Variants in C13orf46 observed in about 807,000 individuals in gnomAD.
The protein encoded by C13orf46 is uncharacterized protein C13orf46.
chr13:113,960,682 A>G (rs1033903764), intron 6 of C13orf46, among the ~76,000 whole-genome samples: 1 of 152,208 alleles, frequency 6.6e-6, no homozygotes, highest in African/African-American at 2.4e-5. Context: ...GCAACTTCTC[A>G]TGCTGTTACC....
chr13:113,970,642 C>A (rs947055093), intron 1 of C13orf46, among the ~76,000 whole-genome samples: 2 of 152,236 alleles, frequency 1.3e-5, no homozygotes, highest in Admixed American at 1.3e-4. Flanking sequence ...CTACTACCCC[C>A]AACCCAGGCT....
the C13orf46 span, among the ~76,000 whole-genome samples, chr13:113,945,619 A>AG: frequency 8.2e-5 from 10 of 121,898 alleles, no homozygotes; most frequent in African/African-American, 3.1e-4. Context: ...AAAGAAAGAA[A>AG]GAAAGAAAGA....
chr13:113,973,074 A>T (rs560035135), intron 1 of C13orf46, among the ~76,000 whole-genome samples: 2 of 152,188 alleles, frequency 1.3e-5, no homozygotes, highest in African/African-American at 4.8e-5. Context: ...AAGGAAAATG[A>T]ATCTTGGGCC....
chr13:113,945,580 AGAG>A, the C13orf46 span, among the ~76,000 whole-genome samples: 1 of 141,512 alleles, frequency 7.1e-6, no homozygotes, highest in African/African-American at 2.7e-5. Flanking sequence ...AAAGAAAGAG[AGAG>A]AGAGAGAGAG....
At chr13:113,931,251 C>A in the C13orf46 span, among the ~76,000 whole-genome samples, 1 of 152,206 alleles carries the variant, frequency 6.6e-6, no homozygotes, top group African/African-American at 2.4e-5. Context: ...GTAAATGAAA[C>A]CCAACAGCGT....
At chr13:113,937,394 A>G in the C13orf46 span, among the ~76,000 whole-genome samples, 1 of 152,226 alleles carries the variant, frequency 6.6e-6, no homozygotes, top group African/African-American at 2.4e-5. Context: ...CGCACAGGTT[A>G]GAGTCCTTTC....
At chr13:113,965,542 A>G (rs2052626704) in intron 5 of C13orf46, among the ~76,000 whole-genome samples, 1 of 152,318 alleles carries the variant, frequency 6.6e-6, no homozygotes, top group East Asian at 1.9e-4. Context: ...TATGGTGGTG[A>G]TAATGTTGAT....
At chr13:113,969,246 A>C (rs1048438461) in intron 2 of C13orf46, among the ~76,000 whole-genome samples, 2 of 152,374 alleles carry the variant, frequency 1.3e-5, no homozygotes, top group East Asian at 3.9e-4. Context: ...GAGGAATGCA[A>C]CAGGCAGTGA....
At chr13:113,941,943 T>A in the C13orf46 span, among the ~76,000 whole-genome samples, 2 of 152,224 alleles carry the variant, frequency 1.3e-5, no homozygotes, top group African/African-American at 4.8e-5. Flanking sequence ...GGCGGCTGAC[T>A]CATTGCTCCT....
At chr13:113,948,477 G>A in the C13orf46 span, among the ~76,000 whole-genome samples, 1 of 152,238 alleles carries the variant, frequency 6.6e-6, no homozygotes, top group South Asian at 2.1e-4. Flanking sequence ...CCCTGTGTGA[G>A]CACACCGAAG....
the C13orf46 span, among the ~76,000 whole-genome samples, chr13:113,935,221 C>T: frequency 2.0e-5 from 3 of 152,202 alleles, no homozygotes; most frequent in East Asian, 1.9e-4. Flanking sequence ...TTGGTCCCTG[C>T]GGCTGTGGCA....
rs949702631 is a variant in C13orf46 at position 113,954,921 on chromosome 13, C to G, written c.*1852G>C. ...AGCATCTGGCGGAGACGAGGAGGAG[C>G]ATCTGGCGGAGACGAGGAGGAGGAT... On this transcript the variant is annotated 3_prime_UTR_variant, in exon 7 of 7. Transcript: ENST00000636427. 2.1e-4 allele frequency: 33 copies of G among 158,222 alleles called. No individual in the cohort carries two copies. The highest frequency in any genetic ancestry group is 4.7e-4 in the African/African-American group (16 of 33,816). 9.8% of individuals were successfully genotyped at this position (158,222 alleles called of 1,614,324 possible).
chr13:113,965,324 G>A (rs2052625066), intron 5 of C13orf46, among the ~76,000 whole-genome samples: 1 of 152,178 alleles, frequency 6.6e-6, no homozygotes, highest in South Asian at 2.1e-4. Context: ...TGGCTCTGAG[G>A]GCAAAAGGGA....
the C13orf46 span, among the ~76,000 whole-genome samples, chr13:113,936,689 G>A: frequency 6.6e-6 from 1 of 151,622 alleles, no homozygotes; most frequent in Non-Finnish European, 1.5e-5. Context: ...AAGAGAGTCG[G>A]GTGGGTAGGC....
the C13orf46 span, among the ~76,000 whole-genome samples, chr13:113,937,045 G>C: frequency 6.6e-6 from 1 of 152,114 alleles, no homozygotes; most frequent in Admixed American, 6.5e-5. Context: ...TTTTGCGGAA[G>C]GGTTATTATC....
the C13orf46 span, among the ~76,000 whole-genome samples, chr13:113,941,708 C>T: frequency 6.6e-6 from 1 of 152,234 alleles, no homozygotes; most frequent in Non-Finnish European, 1.5e-5. Flanking sequence ...GCCTTCAGCA[C>T]AGCACGCCAG....
chr13:113,967,973 C>T (rs2052666508), intron 4 of C13orf46, among the ~76,000 whole-genome samples: 1 of 152,182 alleles, frequency 6.6e-6, no homozygotes, highest in Non-Finnish European at 1.5e-5. Flanking sequence ...AGGGCAGTGT[C>T]TGGGGGTGGG....
At chr13:113,934,520 A>G in the C13orf46 span, among the ~76,000 whole-genome samples, 1 of 152,256 alleles carries the variant, frequency 6.6e-6, no homozygotes, top group Non-Finnish European at 1.5e-5. Context: ...AAATAGACCC[A>G]CACATACATG....
chr13:113,965,921 CAAT>C (rs1203697025), intron 5 of C13orf46, among the ~76,000 whole-genome samples: 1 of 54,050 alleles, frequency 1.9e-5, no homozygotes, highest in African/African-American at 1.4e-4. Context: ...GTGATGGTGA[CAAT>C]GATGATGATT....
Sources: allele counts gnomAD v4.1 joint callset (sites outside exome capture counted in the v4.1 genomes callset), GRCh38; gene constraint gnomAD v4.1.1; transcripts MANE v1.5; gene names NCBI Gene and HGNC (gene_info 2026-07-23, HGNC 2026-07-21).